The following NKAIN1 variants were observed in gnomAD, a reference collection of about 807,000 sequenced individuals.
NKAIN1 encodes sodium/potassium-transporting ATPase subunit beta-1-interacting protein 1.
In NKAIN1, 13 loss-of-function variants were observed where a neutral mutation model predicts 31.6. That is an observed-to-expected ratio of 0.41 (90% CI 0.27 to 0.65). The LOEUF is 0.65. Among genes scored for constraint, NKAIN1 ranks in the 30% least tolerant of loss-of-function variants. The probability of loss-of-function intolerance (pLI) is 0.30; values close to 1 mark genes in which losing one functional copy is unlikely to be tolerated. For synonymous variants in NKAIN1, 104 were observed against 109.0 expected, an observed-to-expected ratio of 0.95 and a Z score of 0.28; for missense variants, 193 against 262.2, an observed-to-expected ratio of 0.74 and a Z score of 1.82.
chr1:31,237,348 A>C lies in NKAIN1; in HGVS notation c.54+2146T>G, dbSNP rs989797790. ...TTCATAGGGCTGTTAGGATTAAATG[A>C]GTTAATACCTGGAAAAGTGCTTCCA... On this transcript the variant is annotated intron_variant, in intron 1 of 6. Transcript: ENST00000373736. Among the ~76,000 whole-genome samples the C allele has an allele frequency of 2.6e-5, 4 of 152,182 alleles. No individual in the cohort carries two copies. In the South Asian group the frequency reaches 8.3e-4, roughly 31 times the overall value.
intron 1 of NKAIN1, among the ~76,000 whole-genome samples, chr1:31,188,933 A>G (rs1450204731): frequency 6.6e-6 from 1 of 151,816 alleles, no homozygotes; most frequent in Admixed American, 6.6e-5. Flanking sequence ...GAATCTCTTG[A>G]GCCCAGCAGG....
chr1:31,230,617 G>T (rs139014106), intron 1 of NKAIN1, among the ~76,000 whole-genome samples: 39 of 152,316 alleles, frequency 2.6e-4, no homozygotes, highest in African/African-American at 8.2e-4. Context: ...CTCCAGGCCA[G>T]GGCAGGGAAA....
At chr1:31,195,991 G>C (rs1478360807) in intron 1 of NKAIN1, among the ~76,000 whole-genome samples, 1 of 151,700 alleles carries the variant, frequency 6.6e-6, no homozygotes, top group East Asian at 1.9e-4. Flanking sequence ...AGGTCTCCAT[G>C]GCCTTCCCTG....
At chr1:31,219,739 C>T (rs1645547616) in intron 1 of NKAIN1, among the ~76,000 whole-genome samples, 1 of 152,172 alleles carries the variant, frequency 6.6e-6, no homozygotes, top group Non-Finnish European at 1.5e-5. Flanking sequence ...CAGGAGTAGC[C>T]CAAGGGTTTG....
At chr1:31,224,549 T>C (rs1645587909) in intron 1 of NKAIN1, among the ~76,000 whole-genome samples, 1 of 152,234 alleles carries the variant, frequency 6.6e-6, no homozygotes, top group Non-Finnish European at 1.5e-5. Context: ...ACCAGCTAGC[T>C]GTACATACAA....
At chr1:31,192,987 G>A (rs973988790) in intron 1 of NKAIN1, among the ~76,000 whole-genome samples, 118 of 151,424 alleles carry the variant, frequency 7.8e-4, no homozygotes, top group African/African-American at 2.5e-3. Flanking sequence ...GCAACATAGT[G>A]AGATCCCATC....
intron 1 of NKAIN1, among the ~76,000 whole-genome samples, chr1:31,212,544 G>A (rs565484221): frequency 3.3e-5 from 5 of 151,920 alleles, no homozygotes; most frequent in African/African-American, 9.7e-5. Context: ...GGCTGGGGCC[G>A]CAGGCACACA....
chr1:31,186,316 C>T (rs1645243203), intron 2 of NKAIN1, among the ~76,000 whole-genome samples: 1 of 145,780 alleles, frequency 6.9e-6, no homozygotes, highest in Admixed American at 6.9e-5. Flanking sequence ...AAGCTGAGAT[C>T]ATGCCACTGG....
At chr1:31,205,339 G>C (rs924978776) in intron 1 of NKAIN1, among the ~76,000 whole-genome samples, 1 of 151,828 alleles carries the variant, frequency 6.6e-6, no homozygotes, top group Non-Finnish European at 1.5e-5. Flanking sequence ...GACGGAGTCT[G>C]GCTCTGTTGC....
At position 31,181,800 on chromosome 1, in the gene NKAIN1, C is replaced by A. The variant is rs1645200312; in HGVS notation, c.614+60G>T. ...GGTTGCCCTGCCCACTCCTCCATCC[C>A]CTCCTTTTCGCAACCCCGACGCCCA... On this transcript the variant is annotated intron_variant, in intron 6 of 6. Coordinates refer to ENST00000373736, the MANE Select transcript of NKAIN1 (RefSeq NM_024522.3). 3 of 1,565,956 alleles carry A rather than the reference C, an allele frequency of 1.9e-6. No individual in the cohort carries two copies. In the South Asian group the frequency reaches 3.5e-5, roughly 18 times the overall value.
chr1:31,200,188 G>A (rs1645368594), intron 1 of NKAIN1, among the ~76,000 whole-genome samples: 1 of 152,190 alleles, frequency 6.6e-6, no homozygotes, highest in Non-Finnish European at 1.5e-5. Flanking sequence ...GATCCCACTG[G>A]GAAATGGCCA....
chr1:31,213,049 T>G (rs953249922), intron 1 of NKAIN1, among the ~76,000 whole-genome samples: 5 of 150,516 alleles, frequency 3.3e-5, no homozygotes, highest in African/African-American at 9.7e-5. Flanking sequence ...TTTGTTTTTT[T>G]TTTTTTTGAA....
chr1:31,216,385 G>A (rs1645512366), intron 1 of NKAIN1, among the ~76,000 whole-genome samples: 1 of 152,132 alleles, frequency 6.6e-6, no homozygotes, highest in South Asian at 2.1e-4. Context: ...CATAGCTAAT[G>A]CTTACCCTAT....
intron 1 of NKAIN1, among the ~76,000 whole-genome samples, chr1:31,198,616 AC>A (rs1645349423): frequency 2.6e-5 from 4 of 151,086 alleles, no homozygotes; most frequent in Admixed American, 6.6e-5. Context: ...AGCAATGCCA[AC>A]CCCCCTGCCC....
At chr1:31,194,304 C>A (rs1004876778) in intron 1 of NKAIN1, among the ~76,000 whole-genome samples, 3 of 152,032 alleles carry the variant, frequency 2.0e-5, no homozygotes, top group Non-Finnish European at 4.4e-5. Context: ...GCCCATCAGT[C>A]CTCTCTGCCT....
intron 1 of NKAIN1, 169 bp from the exon 2 acceptor site, chr1:31,188,356 T>A: frequency 1.4e-6 from 1 of 692,938 alleles, no homozygotes; most frequent in Non-Finnish European, 2.4e-6. Flanking sequence ...TCCTTAAGCC[T>A]GATCATCACT....
At chr1:31,187,997 T>G in intron 2 of NKAIN1, 53 bp downstream of exon 2, 2 of 1,509,078 alleles carry the variant, frequency 1.3e-6, no homozygotes, top group Non-Finnish European at 1.8e-6. Flanking sequence ...AGGGGTGGAG[T>G]GGGCAGGGGT....
rs748828116 is a variant in NKAIN1, at chr1:31,184,006, G to A, written c.282C>T (p.Asp94=). 8.7e-6 allele frequency: 14 copies of A among 1,613,504 alleles called. No individual in the cohort carries two copies. The South Asian group carries it at 1.2e-4, about 14-fold the overall frequency. The part of the protein sequence containing the change: ...LEVGQLSQDR[D]FIMTFNTSLH... ...GGGATGTGTTGAAGGTCATGATGAA[G>A]TCCCGGTCCTGGGGGCAAAGGGGCC... Residue 94 remains aspartate, a synonymous_variant, in exon 4 of 7, where the codon GAC becomes GAT. Coordinates refer to ENST00000373736, the MANE Select transcript of NKAIN1 (RefSeq NM_024522.3).
intron 1 of NKAIN1, among the ~76,000 whole-genome samples, chr1:31,216,315 G>A (rs376988987): frequency 2.0e-5 from 3 of 152,112 alleles, no homozygotes; most frequent in Non-Finnish European, 2.9e-5. Flanking sequence ...TGCCTATGCC[G>A]AGCGCTGCTC....
Sources: gnomAD v4.1 joint callset for allele counts (sites outside exome capture counted in the v4.1 genomes callset) on GRCh38, gnomAD v4.1.1 for gene constraint, MANE v1.5 for transcripts, NCBI Gene and HGNC (gene_info 2026-07-23, HGNC 2026-07-21) for gene names.